Variants in ST3GAL2 observed in about 807,000 individuals in gnomAD.
ST3GAL2 encodes CMP-N-acetylneuraminate-beta-galactosamide-alpha-2,3-sialyltransferase 2.
ST3GAL2 carries 16 observed loss-of-function variants against 37.5 expected under a neutral mutation model. That is an observed-to-expected ratio of 0.43 (90% CI 0.29 to 0.65). ST3GAL2 has a LOEUF of 0.65. Ranked by LOEUF, ST3GAL2 falls within the 30% of genes least tolerant of loss-of-function variation. The pLI, the probability that ST3GAL2 is intolerant of heterozygous loss-of-function variation, is 0.17. For synonymous variants in ST3GAL2, 238 were observed against 202.9 expected (o/e 1.17, Z -1.47); for missense variants, 383 against 487.8 (o/e 0.79, Z 2.02).
rs1457172644 is a variant in ST3GAL2 at position 70,380,583 on chromosome 16, G to A, written c.*1106C>T. 6.6e-6 allele frequency: 1 copy of A among 152,314 alleles called. No individual in the cohort carries two copies. The highest frequency in any genetic ancestry group is 2.4e-5 in the African/African-American group (1 of 41,468). 9.4% of individuals were successfully genotyped at this position (152,314 alleles called of 1,614,324 possible). A position where few individuals can be genotyped will look rare whatever the true frequency, so the allele number is the denominator to read the frequency against. On this transcript the variant is annotated 3_prime_UTR_variant, in exon 7 of 7. Transcript: ENST00000342907. ...GGAGATGGAGAGCAGGGTGGAGGCA[G>A]GCGGCTTGCGGCGCGCAAGTCTCCT...
chr16:70,385,606 C>T (rs900047950), intron 4 of ST3GAL2, among the ~76,000 whole-genome samples: 8 of 142,032 alleles, frequency 5.6e-5, no homozygotes, highest in East Asian at 4.1e-4. Context: ...GCCTAGGGCT[C>T]GGGGTGGGAG....
intron 1 of ST3GAL2, among the ~76,000 whole-genome samples, chr16:70,406,428 T>C (rs1391606408): frequency 6.6e-6 from 1 of 151,650 alleles, no homozygotes; most frequent in Non-Finnish European, 1.5e-5. Flanking sequence ...GGAGAAATGC[T>C]TGAACCCAGG....
intron 1 of ST3GAL2, among the ~76,000 whole-genome samples, chr16:70,412,300 G>T (rs1453514299): frequency 6.6e-6 from 1 of 152,152 alleles, no homozygotes; most frequent in Non-Finnish European, 1.5e-5. Flanking sequence ...TATTATTTGT[G>T]ATCTAATTGT....
In ST3GAL2 at chr16:70,379,424, A is replaced by G. The variant is rs930534260; in HGVS notation, c.*2265T>C. The G allele has an allele frequency of 2.6e-5, 4 of 152,144 alleles. No individual in the cohort carries two copies. Among genetic ancestry groups the G allele is most frequent in the Non-Finnish European group, 5.9e-5 (4 of 68,054 alleles). The allele number at this position is 152,144 out of a possible 1,614,324, so 9.4% of individuals were successfully genotyped here. On this transcript the variant is annotated 3_prime_UTR_variant, in exon 7 of 7. Transcript: ENST00000342907. The stretch of plus-strand genomic sequence containing the variant: ...CATCTCGCCCCTCCCATATCCCCCA[A>G]CGTTCTCAGCCATTATCAGTCACAG...
chr16:70,437,906 TCCCAGAGTG>T (rs2047836970), intron 1 of ST3GAL2, among the ~76,000 whole-genome samples: 1 of 151,800 alleles, frequency 6.6e-6, no homozygotes. Context: ...TGGCCAGAGG[TCCCAGAGTG>T]CCCTGTACTC....
intron 1 of ST3GAL2, among the ~76,000 whole-genome samples, chr16:70,409,205 A>C (rs1404824923): frequency 2.0e-5 from 3 of 152,184 alleles, no homozygotes; most frequent in Non-Finnish European, 4.4e-5. Context: ...TGGGAGACTG[A>C]GGCTGGATGA....
intron 1 of ST3GAL2, among the ~76,000 whole-genome samples, chr16:70,427,862 G>C (rs1438452571): frequency 1.3e-5 from 2 of 152,154 alleles, no homozygotes; most frequent in African/African-American, 4.8e-5. Flanking sequence ...ACCTCCAGCA[G>C]TCCTAACCAC....
intron 3 of ST3GAL2, among the ~76,000 whole-genome samples, chr16:70,393,348 G>A (rs1341182821): frequency 6.6e-6 from 1 of 152,174 alleles, no homozygotes; most frequent in Non-Finnish European, 1.5e-5. Flanking sequence ...AAAGTGCTGG[G>A]ATTACAGGCA....
At chr16:70,404,806 G>A (rs1178454956) in intron 1 of ST3GAL2, among the ~76,000 whole-genome samples, 1 of 151,622 alleles carries the variant, frequency 6.6e-6, no homozygotes, top group Non-Finnish European at 1.5e-5. Context: ...AGGCCAAGAT[G>A]GGCAGATCAC....
chr16:70,410,847 G>A (rs1037268880), intron 1 of ST3GAL2, among the ~76,000 whole-genome samples: 6 of 115,470 alleles, frequency 5.2e-5, no homozygotes, highest in African/African-American at 6.7e-5. Context: ...TTTGCCGTCT[G>A]TAGCAGACAC....
intron 1 of ST3GAL2, among the ~76,000 whole-genome samples, chr16:70,416,595 G>C (rs918507686): frequency 6.6e-6 from 1 of 152,120 alleles, no homozygotes; most frequent in African/African-American, 2.4e-5. Flanking sequence ...AAAATCAAAA[G>C]AAATGATGGT....
chr16:70,381,658 A>T lies in ST3GAL2; in HGVS notation c.*31T>A. ...GGGCCGGAGCCCCGGTGCCCGATAG[A>T]TGGGCCGGAAGGGTCGCGGCGAGGC... On this transcript the variant is annotated 3_prime_UTR_variant, in exon 7 of 7. Coordinates refer to ENST00000342907, the MANE Select transcript of ST3GAL2 (RefSeq NM_006927.4). 3 of 1,606,228 alleles carry T rather than the reference A, an allele frequency of 1.9e-6. No homozygotes were observed. The highest frequency in any genetic ancestry group is 2.6e-6 in the Non-Finnish European group (3 of 1,175,862).
At chr16:70,409,149 A>C (rs2047617881) in intron 1 of ST3GAL2, among the ~76,000 whole-genome samples, 1 of 152,044 alleles carries the variant, frequency 6.6e-6, no homozygotes, top group Non-Finnish European at 1.5e-5. Flanking sequence ...CTAGAAAAAC[A>C]GTTCTCGGCT....
intron 1 of ST3GAL2, among the ~76,000 whole-genome samples, chr16:70,406,271 C>T (rs1006781220): frequency 6.6e-6 from 1 of 151,892 alleles, no homozygotes; most frequent in Admixed American, 6.6e-5. Flanking sequence ...TGGTGAAACC[C>T]CATCTCTACT....
At chr16:70,425,357 G>T (rs984560995) in intron 1 of ST3GAL2, among the ~76,000 whole-genome samples, 1 of 152,168 alleles carries the variant, frequency 6.6e-6, no homozygotes, top group African/African-American at 2.4e-5. Flanking sequence ...AGCTACTCAG[G>T]AGGCTGAGGC....
chr16:70,389,654 C>CGG (rs2047469149), intron 3 of ST3GAL2, among the ~76,000 whole-genome samples: 1 of 151,946 alleles, frequency 6.6e-6, no homozygotes, highest in Non-Finnish European at 1.5e-5. Flanking sequence ...TCAGTAGAGA[C>CGG]GGGGTTTCAC....
intron 4 of ST3GAL2, among the ~76,000 whole-genome samples, chr16:70,385,835 T>TGG (rs1421549174): frequency 6.7e-6 from 1 of 149,322 alleles, no homozygotes; most frequent in Non-Finnish European, 1.5e-5. Flanking sequence ...CATCCTTGAG[T>TGG]GGCTAGGACT....
chr16:70,383,063 C>G (rs2047417232), intron 5 of ST3GAL2, 127 bp downstream of exon 5: 1 of 1,582,414 alleles, frequency 6.3e-7, no homozygotes, highest in Non-Finnish European at 8.6e-7. Context: ...CTGCTAGGGT[C>G]AGGCATCTCG....
At position 70,395,200 on chromosome 16, in the gene ST3GAL2, A is replaced by T. The variant is rs57422630; in HGVS notation, c.340-25T>A. 0.013 allele frequency: 20,419 copies of T among 1,585,938 alleles called. 2,398 individuals are homozygous for T. In the African/African-American group the frequency reaches 0.25, roughly 19 times the overall value. On this transcript the variant is annotated intron_variant, in intron 2 of 6. Coordinates refer to ENST00000342907, the MANE Select transcript of ST3GAL2 (RefSeq NM_006927.4). ...TCTGTGGAAGGGAGGGGAAGATGGG[A>T]AACGAGGAAGGGGAGAGGTGTGTGA...
Sources: allele counts gnomAD v4.1 joint callset (sites outside exome capture counted in the v4.1 genomes callset), GRCh38; gene constraint gnomAD v4.1.1; transcripts MANE v1.5; gene names NCBI Gene and HGNC (gene_info 2026-07-23, HGNC 2026-07-21).